PTCHD4: variants seen among roughly 807,000 people sequenced by gnomAD.
PTCHD4 encodes the protein patched domain-containing protein 4.
Under a neutral mutation model 58.1 loss-of-function variants are expected in PTCHD4, and 33 were observed. The ratio of observed to expected loss-of-function variants is 0.57; its 90% CI spans 0.43 to 0.76. PTCHD4 has a LOEUF of 0.76. Among genes scored for constraint, PTCHD4 ranks in the 30% least tolerant of loss-of-function variants. The pLI, the probability that PTCHD4 is intolerant of heterozygous loss-of-function variation, is 0.00. For missense variants in PTCHD4, 1,058 were observed against 1,027.1 expected (o/e 1.03, Z -0.41); for synonymous variants, 478 against 409.6 (o/e 1.17, Z -2.02).
intron 3 of PTCHD4, among the ~76,000 whole-genome samples, chr6:48,037,731 AG>A: frequency 6.6e-6 from 1 of 152,160 alleles, no homozygotes; most frequent in Admixed American, 6.6e-5. Context: ...AGGGAAGAAA[AG>A]GGGAAGAGCC....
chr6:48,080,152 A>T (rs1024797362), intron 1 of PTCHD4, among the ~76,000 whole-genome samples: 2 of 152,238 alleles, frequency 1.3e-5, no homozygotes, highest in East Asian at 3.9e-4. Flanking sequence ...GATGTTAGAT[A>T]AAAAACTCAG....
intron 4 of PTCHD4, among the ~76,000 whole-genome samples, chr6:48,000,520 A>G (rs187470984): frequency 5.3e-5 from 8 of 152,160 alleles, no homozygotes; most frequent in Admixed American, 3.3e-4. Flanking sequence ...ATCTTTCCGA[A>G]TTTTCTTTAA....
chr6:47,991,323 G>C (rs565284219), intron 4 of PTCHD4, among the ~76,000 whole-genome samples: 47 of 152,102 alleles, frequency 3.1e-4, no homozygotes, highest in Non-Finnish European at 5.7e-4. Context: ...AAAGATGATA[G>C]AGAATAGTTA....
chr6:48,038,883 C>A (rs974447347), intron 3 of PTCHD4, among the ~76,000 whole-genome samples: 2 of 152,204 alleles, frequency 1.3e-5, no homozygotes, highest in African/African-American at 2.4e-5. Context: ...ACCTGGACTT[C>A]GTCAAGACAA....
rs1351402484 is a variant in PTCHD4 at position 47,876,675 on chromosome 6, T to A, written c.*1628A>T. Reference sequence around the variant, plus strand: ...TAGCTTTCTTCTAGGTAAAAGAGCTTACTAGCAGATTTTATAATCATCGGA... The same window carrying A: ...TAGCTTTCTTCTAGGTAAAAGAGCTAACTAGCAGATTTTATAATCATCGGA... On this transcript the variant is annotated 3_prime_UTR_variant, in exon 5 of 5. Coordinates refer to ENST00000339488, the MANE Select transcript of PTCHD4 (RefSeq NM_001384253.1). 6.6e-6 allele frequency among the ~76,000 whole-genome samples: 1 copy of A among 152,020 alleles called. No individual in the cohort carries two copies. The highest frequency in any genetic ancestry group is 2.4e-5 in the African/African-American group (1 of 41,422).
chr6:47,858,261 A>G lies in PTCHD4; in HGVS notation c.*20042T>C, dbSNP rs1386171968. ...AATTTTGGATTCAGGGGCAGACATA[A>G]GAAGAAAATCTGATTTGAGTTTATC... On this transcript the variant is annotated 3_prime_UTR_variant, in exon 5 of 5. Coordinates refer to ENST00000339488, the MANE Select transcript of PTCHD4 (RefSeq NM_001384253.1). 6.6e-6 allele frequency among the ~76,000 whole-genome samples: 1 copy of G among 152,052 alleles called. No individual in the cohort carries two copies. The highest frequency in any genetic ancestry group is 2.4e-5 in the African/African-American group (1 of 41,436).
intron 1 of PTCHD4, among the ~76,000 whole-genome samples, chr6:48,108,003 G>A (rs1263834814): frequency 6.6e-6 from 1 of 152,078 alleles, no homozygotes; most frequent in East Asian, 1.9e-4. Flanking sequence ...ACTGTTGGTG[G>A]GACTGTAAAC....
Position 47,964,499 on chromosome 6 carries a change from T to C in PTCHD4, c.898+44135A>G, listed in dbSNP as rs532993711. The stretch of plus-strand genomic sequence containing the variant: ...AACCTCATATGGACCTGCCTAACTA[T>C]TGGGGGCTGGAAATTGTATAAGTAC... On this transcript the variant is annotated intron_variant, in intron 4 of 4. Transcript: ENST00000339488. Among the ~76,000 whole-genome samples, 62 of 152,256 alleles carry C rather than the reference T, an allele frequency of 4.1e-4. No homozygotes were observed. The South Asian group carries it at 8.1e-3, about 20-fold the overall frequency.
At chr6:48,017,405 A>G (rs960233595) in intron 3 of PTCHD4, among the ~76,000 whole-genome samples, 14 of 152,222 alleles carry the variant, frequency 9.2e-5, no homozygotes, top group African/African-American at 3.4e-4. Flanking sequence ...TTAGTAAGCT[A>G]GAAAAAGGCC....
intron 1 of PTCHD4, among the ~76,000 whole-genome samples, chr6:48,096,658 TGAA>T (rs1296768471): frequency 6.6e-6 from 1 of 151,468 alleles, no homozygotes; most frequent in East Asian, 1.9e-4. Flanking sequence ...CCATTGTGCT[TGAA>T]GAAGAAACTA....
intron 4 of PTCHD4, among the ~76,000 whole-genome samples, chr6:47,981,282 T>A (rs934764025): frequency 1.3e-5 from 2 of 152,168 alleles, no homozygotes; most frequent in African/African-American, 2.4e-5. Flanking sequence ...CTCTCCTGCA[T>A]GTTTCTAAAT....
intron 1 of PTCHD4, among the ~76,000 whole-genome samples, chr6:48,074,690 T>C (rs1469358314): frequency 6.6e-6 from 1 of 152,176 alleles, no homozygotes; most frequent in Non-Finnish European, 1.5e-5. Context: ...TTTTGTTTTG[T>C]TTTAAACCAG....
intron 4 of PTCHD4, among the ~76,000 whole-genome samples, chr6:47,892,614 T>C (rs1764414061): frequency 6.6e-6 from 1 of 152,246 alleles, no homozygotes; most frequent in African/African-American, 2.4e-5. Flanking sequence ...AGAATGTTTT[T>C]AAAATGTCTG....
intron 1 of PTCHD4, among the ~76,000 whole-genome samples, chr6:48,088,554 T>C (rs1429402951): frequency 6.6e-6 from 1 of 152,218 alleles, no homozygotes; most frequent in Non-Finnish European, 1.5e-5. Context: ...TGAAGGTGAC[T>C]TATCTCTTAA....
At chr6:48,038,445 C>T (rs756891464) in intron 3 of PTCHD4, among the ~76,000 whole-genome samples, 2 of 151,722 alleles carry the variant, frequency 1.3e-5, no homozygotes, top group Non-Finnish European at 2.9e-5. Context: ...AGTTTGAAAC[C>T]AGACTGGCAA....
intron 4 of PTCHD4, among the ~76,000 whole-genome samples, chr6:47,923,218 A>T (rs1300057466): frequency 6.6e-6 from 1 of 152,208 alleles, no homozygotes; most frequent in Non-Finnish European, 1.5e-5. Flanking sequence ...ATAAAAGAGA[A>T]AATCAAAATA....
rs3846901 is a variant in PTCHD4 at position 48,066,138 on chromosome 6, C to T, written c.417+2092G>A. Reference sequence around the variant, plus strand: ...TTTGAGACGGGATCCCTCTGTCACCCAGACTACTACTGCTAAGCCTCACGA... The same window carrying T: ...TTTGAGACGGGATCCCTCTGTCACCTAGACTACTACTGCTAAGCCTCACGA... On this transcript the variant is annotated intron_variant, in intron 3 of 4. Coordinates refer to ENST00000339488, the MANE Select transcript of PTCHD4 (RefSeq NM_001384253.1). 2.3e-3 allele frequency among the ~76,000 whole-genome samples: 348 copies of T among 151,842 alleles called. 2 individuals carry two copies. The highest frequency in any genetic ancestry group is 7.8e-3 in the African/African-American group (323 of 41,368).
At chr6:48,015,750 G>A (rs1246950000) in intron 3 of PTCHD4, among the ~76,000 whole-genome samples, 1 of 151,532 alleles carries the variant, frequency 6.6e-6, no homozygotes, top group Non-Finnish European at 1.5e-5. Context: ...TCCTTTTTGT[G>A]TCCTCTGCTA....
intron 4 of PTCHD4, among the ~76,000 whole-genome samples, chr6:47,923,365 T>A (rs986158968): frequency 1.3e-5 from 2 of 152,184 alleles, no homozygotes; most frequent in Non-Finnish European, 2.9e-5. Context: ...GTCTTACTAC[T>A]CTTTCCACCA....
Sources: allele counts gnomAD v4.1 joint callset (sites outside exome capture counted in the v4.1 genomes callset), GRCh38; gene constraint gnomAD v4.1.1; transcripts MANE v1.5; gene names NCBI Gene and HGNC (gene_info 2026-07-23, HGNC 2026-07-21).